The following PTPRN2 variants were observed in gnomAD, a reference collection of about 807,000 sequenced individuals.
PTPRN2 encodes protein tyrosine phosphatase receptor type N2.
Under a neutral mutation model 118.8 loss-of-function variants are expected in PTPRN2, and 74 were observed. That is an observed-to-expected ratio of 0.62 (90% CI 0.52 to 0.76). The LOEUF (loss-of-function observed/expected upper bound fraction) is 0.76, where lower values mean the gene tolerates loss of function less well. Among genes scored for constraint, PTPRN2 ranks in the 30% least tolerant of loss-of-function variants. PTPRN2 has a pLI of 0.00. For synonymous variants in PTPRN2, 641 were observed against 608.0 expected (o/e 1.05, Z -0.80); for missense variants, 1,481 against 1,394.4 (o/e 1.06, Z -0.99).
intron 9 of PTPRN2, among the ~76,000 whole-genome samples, chr7:158,113,798 C>A (rs1052874684): frequency 2.0e-5 from 3 of 152,190 alleles, no homozygotes; most frequent in Non-Finnish European, 2.9e-5. Flanking sequence ...GTTGTGGCCA[C>A]CAGGGACACA....
At chr7:158,200,078 T>A (rs567986989) in intron 4 of PTPRN2, among the ~76,000 whole-genome samples, 1 of 152,010 alleles carries the variant, frequency 6.6e-6, no homozygotes, top group South Asian at 2.1e-4. Flanking sequence ...AATCCACATA[T>A]GAGAAGAAAA....
chr7:157,874,977 A>G lies in PTPRN2; in HGVS notation c.1788+23696T>C, dbSNP rs60615573. The stretch of plus-strand genomic sequence containing the variant: ...CACTTGTGCACATACACAGAGACAC[A>G]GGCACACACAGGCAGACGCAAACGT... On this transcript the variant is annotated intron_variant, in intron 12 of 22. Coordinates refer to ENST00000389418, the MANE Select transcript of PTPRN2 (RefSeq NM_002847.5). This position sits in a 1 kb window ranked among gnomAD's most constrained non-coding sequence, Gnocchi z 5.8. Among the ~76,000 whole-genome samples, 49,607 of 151,928 alleles carry G rather than the reference A, an allele frequency of 0.33. 10,200 individuals are homozygous for G. Among genetic ancestry groups the G allele is most frequent in the African/African-American group, 0.59 (24,257 of 41,408 alleles).
chr7:158,008,035 G>A (rs1426676919), intron 11 of PTPRN2, among the ~76,000 whole-genome samples: 4 of 148,678 alleles, frequency 2.7e-5, no homozygotes, highest in Admixed American at 6.7e-5. Context: ...GTGTGTGGGG[G>A]TGTGGGTGTG....
intron 8 of PTPRN2, among the ~76,000 whole-genome samples, chr7:158,134,835 G>T (rs1018707378): frequency 6.6e-6 from 1 of 152,106 alleles, no homozygotes; most frequent in Non-Finnish European, 1.5e-5. Context: ...ATAAATAAAG[G>T]GTGAGTTTCA....
chr7:158,191,344 A>G (rs1585797704), intron 5 of PTPRN2, among the ~76,000 whole-genome samples: 1 of 152,180 alleles, frequency 6.6e-6, no homozygotes, highest in Non-Finnish European at 1.5e-5. Context: ...CTTCCATCTT[A>G]GAAAGGAAAG....
At chr7:158,253,051 G>A (rs745879267) in intron 3 of PTPRN2, among the ~76,000 whole-genome samples, 51 of 152,322 alleles carry the variant, frequency 3.3e-4, no homozygotes, top group Non-Finnish European at 6.0e-4. Flanking sequence ...ACCAGACCTC[G>A]TTGTCCAGAC....
intron 2 of PTPRN2, among the ~76,000 whole-genome samples, chr7:158,330,559 AC>A (rs1403483209): frequency 1.9e-5 from 1 of 53,648 alleles, no homozygotes. Context: ...CGTCACTCAC[AC>A]CCACACTCTC....
chr7:157,767,039 T>A (rs919014132), intron 12 of PTPRN2, among the ~76,000 whole-genome samples: 4 of 152,080 alleles, frequency 2.6e-5, no homozygotes, highest in African/African-American at 7.2e-5. Context: ...CATACAATAG[T>A]CACTCCAGGG....
intron 4 of PTPRN2, among the ~76,000 whole-genome samples, chr7:158,200,364 C>T (rs531650413): frequency 1.1e-4 from 16 of 152,266 alleles, no homozygotes; most frequent in African/African-American, 2.2e-4. Flanking sequence ...TGATGGACGC[C>T]GAGGACGAGC....
intron 12 of PTPRN2, among the ~76,000 whole-genome samples, chr7:157,693,669 G>T (rs1405356115): frequency 6.6e-6 from 1 of 152,098 alleles, no homozygotes; most frequent in African/African-American, 2.4e-5. Context: ...ACCGCGCGTC[G>T]CCTCGGGGAG....
At chr7:157,719,639 G>C (rs921991398) in intron 12 of PTPRN2, among the ~76,000 whole-genome samples, 2 of 152,242 alleles carry the variant, frequency 1.3e-5, no homozygotes, top group African/African-American at 2.4e-5. Context: ...CCGGAGAGCA[G>C]GGCCAGACCA....
intron 1 of PTPRN2, among the ~76,000 whole-genome samples, chr7:158,571,077 T>C (rs145282663): frequency 7.9e-5 from 12 of 152,304 alleles, no homozygotes; most frequent in Admixed American, 3.9e-4. Context: ...TTTATTTCAT[T>C]TGATTTTATT....
At chr7:157,755,246 G>A (rs1190351657) in intron 12 of PTPRN2, among the ~76,000 whole-genome samples, 1 of 152,188 alleles carries the variant, frequency 6.6e-6, no homozygotes, top group African/African-American at 2.4e-5. Flanking sequence ...ATATTGAGAT[G>A]TTTAGACTAT....
intron 3 of PTPRN2, among the ~76,000 whole-genome samples, chr7:158,267,575 G>A (rs1298364517): frequency 6.6e-6 from 1 of 152,134 alleles, no homozygotes; most frequent in Non-Finnish European, 1.5e-5. Context: ...CTTACACGGG[G>A]GTGACTGAGC....
At chr7:158,465,840 A>G (rs948859600) in intron 2 of PTPRN2, among the ~76,000 whole-genome samples, 13 of 152,142 alleles carry the variant, frequency 8.5e-5, no homozygotes, top group African/African-American at 3.1e-4. Context: ...TAAGCCTAGA[A>G]CCCAGAAAGC....
intron 2 of PTPRN2, among the ~76,000 whole-genome samples, chr7:158,396,167 G>A (rs371723487): frequency 6.6e-6 from 1 of 152,188 alleles, no homozygotes; most frequent in East Asian, 1.9e-4. Flanking sequence ...GGCTGAGGAG[G>A]CACTCCCTAA....
At chr7:158,392,216 C>T (rs749561910) in intron 2 of PTPRN2, among the ~76,000 whole-genome samples, 5 of 152,106 alleles carry the variant, frequency 3.3e-5, no homozygotes, top group Non-Finnish European at 7.4e-5. Flanking sequence ...TCTGATGTGG[C>T]CATGCAGGTC....
rs145633933 is a variant in PTPRN2, at chr7:157,632,357, C to A, written c.2197-10848G>T. On this transcript the variant is annotated intron_variant, in intron 14 of 22. Transcript: ENST00000389418. The surrounding 1 kb of genome is among the most constrained non-coding windows in gnomAD (Gnocchi z 4.3). ...TGACTTCCACTAAACTTCTGTTACA[C>A]ATTTACAGAAAAATATGACAATTTG... Among the ~76,000 whole-genome samples the A allele has an allele frequency of 3.1e-3, 475 of 152,266 alleles. 1 individual carries two copies. The highest frequency in any genetic ancestry group is 0.011 in the African/African-American group (446 of 41,528).
At chr7:158,587,532 C>T (rs1829044642) in intron 1 of PTPRN2, 26 bp downstream of exon 1, 2 of 1,255,970 alleles carry the variant, frequency 1.6e-6, no homozygotes, top group Non-Finnish European at 2.0e-6. Flanking sequence ...CATTGAGGCG[C>T]CCCTCCCCCG....
Sources: gnomAD v4.1 joint callset for allele counts (sites outside exome capture counted in the v4.1 genomes callset) on GRCh38, gnomAD v4.1.1 for gene constraint, Gnocchi (gnomAD v3.1) non-coding constraint, MANE v1.5 for transcripts, NCBI Gene and HGNC (gene_info 2026-07-23, HGNC 2026-07-21) for gene names.